The following FOXN3 variants were observed in gnomAD, a reference collection of about 807,000 sequenced individuals.
FOXN3 encodes forkhead box N3.
A neutral mutation model predicts 38.4 loss-of-function variants in FOXN3; 7 were observed. The observed-to-expected ratio is 0.18, with a 90% confidence interval of 0.10 to 0.34. FOXN3 has a LOEUF of 0.34. FOXN3 is among the 10% of genes least tolerant of loss of function. The pLI is 1.00. For synonymous variants in FOXN3, 230 were observed against 242.2 expected (o/e 0.95, Z 0.47); for missense variants, 456 against 613.4 (o/e 0.74, Z 2.71).
intron 1 of FOXN3, among the ~76,000 whole-genome samples, chr14:89,490,907 A>G (rs144136780): frequency 9.8e-5 from 15 of 152,362 alleles, no homozygotes; most frequent in African/African-American, 2.6e-4. Flanking sequence ...GAATCCTACA[A>G]AAGTACATAC....
chr14:89,534,907 C>CT (rs1316438567), intron 1 of FOXN3, among the ~76,000 whole-genome samples: 1 of 152,184 alleles, frequency 6.6e-6, no homozygotes, highest in Non-Finnish European at 1.5e-5. Flanking sequence ...GCAGAAGCTC[C>CT]GGGGATATAT....
At chr14:89,413,166 G>A (rs1891587326) in intron 1 of FOXN3, among the ~76,000 whole-genome samples, 1 of 152,102 alleles carries the variant, frequency 6.6e-6, no homozygotes, top group Non-Finnish European at 1.5e-5. Flanking sequence ...GACCCCTACA[G>A]ACACAAAGCA....
At chr14:89,211,106 C>A (rs977220307) in intron 4 of FOXN3, among the ~76,000 whole-genome samples, 2 of 152,190 alleles carry the variant, frequency 1.3e-5, no homozygotes, top group African/African-American at 4.8e-5. Flanking sequence ...AGTTTCATTA[C>A]CTTTCAACTA....
intron 1 of FOXN3, among the ~76,000 whole-genome samples, chr14:89,513,938 A>G (rs35103225): frequency 0.42 from 63,030 of 149,786 alleles, 14,397 homozygotes; most frequent in Non-Finnish European, 0.52. Context: ...ACGCACGCAC[A>G]CACGCACGCA....
intron 4 of FOXN3, among the ~76,000 whole-genome samples, chr14:89,217,775 G>A (rs1884331747): frequency 6.6e-6 from 1 of 152,174 alleles, no homozygotes; most frequent in African/African-American, 2.4e-5. Context: ...CAAAGGGAAG[G>A]AACAAAGTCC....
intron 4 of FOXN3, among the ~76,000 whole-genome samples, chr14:89,202,870 C>T (rs114777149): frequency 1.3e-3 from 202 of 152,176 alleles, no homozygotes; most frequent in African/African-American, 4.3e-3. Context: ...TTATAAATTA[C>T]GCAGGCTCAG....
chr14:89,243,575 G>A (rs1885203418), intron 4 of FOXN3, among the ~76,000 whole-genome samples: 1 of 152,164 alleles, frequency 6.6e-6, no homozygotes. Context: ...TGACTGCAAT[G>A]ATAGCCAATG....
intron 3 of FOXN3, among the ~76,000 whole-genome samples, chr14:89,314,309 T>C (rs1887660208): frequency 6.6e-6 from 1 of 152,218 alleles, no homozygotes; most frequent in African/African-American, 2.4e-5. Context: ...ACTAATACAC[T>C]ACAAAACGAT....
intron 1 of FOXN3, among the ~76,000 whole-genome samples, chr14:89,437,590 CAGTG>C (rs1245875153): frequency 6.6e-6 from 1 of 152,182 alleles, no homozygotes; most frequent in Non-Finnish European, 1.5e-5. Context: ...ATACTCCCAC[CAGTG>C]CCATGAGAGT....
chr14:89,534,100 CTTTTTTT>C (rs79800046), intron 1 of FOXN3, among the ~76,000 whole-genome samples: 6 of 113,820 alleles, frequency 5.3e-5, no homozygotes, highest in Non-Finnish European at 8.7e-5. Context: ...ATTATACATT[CTTTTTTT>C]TTTTTTTTTT....
intron 3 of FOXN3, among the ~76,000 whole-genome samples, chr14:89,301,873 A>C (rs1437548459): frequency 6.6e-6 from 1 of 152,124 alleles, no homozygotes; most frequent in Non-Finnish European, 1.5e-5. Flanking sequence ...TGATACTTCC[A>C]ACTGAGCAGA....
intron 1 of FOXN3, among the ~76,000 whole-genome samples, chr14:89,606,194 G>T (rs908341310): frequency 2.6e-5 from 4 of 152,058 alleles, no homozygotes; most frequent in Non-Finnish European, 5.9e-5. Context: ...TTGGTAAAAT[G>T]GATTCACAAA....
intron 4 of FOXN3, among the ~76,000 whole-genome samples, chr14:89,235,086 G>T (rs980817612): frequency 2.0e-5 from 3 of 152,202 alleles, no homozygotes; most frequent in African/African-American, 7.2e-5. Context: ...TGCCCCCTGA[G>T]AGCGTGGGCT....
intron 3 of FOXN3, among the ~76,000 whole-genome samples, chr14:89,281,829 T>C (rs567750707): frequency 6.6e-6 from 1 of 152,300 alleles, no homozygotes; most frequent in African/African-American, 2.4e-5. Context: ...TCAAAAATGT[T>C]ACTACATCCA....
intron 1 of FOXN3, among the ~76,000 whole-genome samples, chr14:89,605,502 A>G (rs1162527667): frequency 6.6e-6 from 1 of 152,122 alleles, no homozygotes; most frequent in East Asian, 1.9e-4. Context: ...GAGGCAGGAA[A>G]AATGGAAAAA....
In FOXN3 at chr14:89,165,946, A is replaced by G. The variant is rs535447639; in HGVS notation, c.852-2977T>C. Among the ~76,000 whole-genome samples, 10 of 152,240 alleles carry G rather than the reference A, an allele frequency of 6.6e-5. No individual in the cohort carries two copies. The East Asian group carries it at 1.9e-3, about 29-fold the overall frequency. The stretch of plus-strand genomic sequence containing the variant: ...TTTAAAAAATAACTTGGGGCTTACA[A>G]CTCACGTCACTACCACAGTTAAGCA... On this transcript the variant is annotated intron_variant, in intron 5 of 5. Coordinates refer to ENST00000557258, the MANE Select transcript of FOXN3 (RefSeq NM_005197.4).
chr14:89,210,757 A>T (rs1031796040), intron 4 of FOXN3, among the ~76,000 whole-genome samples: 1 of 152,220 alleles, frequency 6.6e-6, no homozygotes, highest in Non-Finnish European at 1.5e-5. Flanking sequence ...AAAGGGTTAA[A>T]AACAGAGGTG....
chr14:89,504,539 G>T (rs888628591), intron 1 of FOXN3, among the ~76,000 whole-genome samples: 1 of 150,894 alleles, frequency 6.6e-6, no homozygotes, highest in African/African-American at 2.4e-5. Flanking sequence ...CTTCCCAGGG[G>T]CATTAGAGAA....
intron 2 of FOXN3, among the ~76,000 whole-genome samples, chr14:89,392,026 C>T (rs1890961951): frequency 6.6e-6 from 1 of 152,146 alleles, no homozygotes; most frequent in African/African-American, 2.4e-5. Context: ...GATCTGTGAT[C>T]CCTTCATTCC....
Sources: gnomAD v4.1 joint callset for allele counts (sites outside exome capture counted in the v4.1 genomes callset) on GRCh38, gnomAD v4.1.1 for gene constraint, MANE v1.5 for transcripts, NCBI Gene and HGNC (gene_info 2026-07-23, HGNC 2026-07-21) for gene names.